The following ERC1 variants were observed in gnomAD, a reference collection of about 807,000 sequenced individuals.
The protein encoded by ERC1 is ELKS/RAB6-interacting/CAST family member 1.
A neutral mutation model predicts 132.0 loss-of-function variants in ERC1; 56 were observed. The observed-to-expected ratio is 0.42, with a 90% CI of 0.34 to 0.53. The LOEUF (loss-of-function observed/expected upper bound fraction) is 0.53. ERC1 is among the 20% of genes least tolerant of loss of function. ERC1 has a pLI of 0.03. For synonymous variants in ERC1, 478 were observed against 476.1 expected (o/e 1.00, Z -0.05); for missense variants, 1,202 against 1,349.9 (o/e 0.89, Z 1.72).
In ERC1 at chr12:1,005,236, C is replaced by T. The variant is rs557950336; in HGVS notation, c.-157+13914C>T. ...GTGCTATCATGGCTTACTACAGCCT[C>T]GACCTCCCAGGCTCAAGCGATCCTC... On this transcript the variant is annotated intron_variant, in intron 1 of 18. Coordinates refer to ENST00000360905, the MANE Select transcript of ERC1 (RefSeq NM_178040.4). Among the ~76,000 whole-genome samples the T allele has an allele frequency of 3.9e-5, 6 of 152,066 alleles. No individual in the cohort carries two copies. The East Asian group carries it at 5.8e-4, about 15-fold the overall frequency.
chr12:1,291,327 G>A (rs767308038), intron 15 of ERC1, among the ~76,000 whole-genome samples: 7 of 152,172 alleles, frequency 4.6e-5, no homozygotes, highest in Non-Finnish European at 7.3e-5. Flanking sequence ...TTAGAGTTCC[G>A]AGTAGCATCA....
At chr12:1,154,213 G>GTATGTGTATGTATATGTA (rs1195346483) in intron 8 of ERC1, among the ~76,000 whole-genome samples, 156 of 142,982 alleles carry the variant, frequency 1.1e-3, no homozygotes, top group African/African-American at 3.9e-3. Flanking sequence ...GTGTGTGTGT[G>GTATGTGTATGTATATGTA]TATGTATATG....
intron 14 of ERC1, among the ~76,000 whole-genome samples, chr12:1,275,045 G>C (rs901858076): frequency 6.6e-6 from 1 of 152,178 alleles, no homozygotes; most frequent in African/African-American, 2.4e-5. Context: ...TGAATGAATG[G>C]ATGGTGTGGC....
At position 1,490,551 on chromosome 12, in the gene ERC1, G is replaced by C; in HGVS notation, c.*321G>C. The C allele has an allele frequency of 3.1e-6, 1 of 325,288 alleles. No homozygotes were observed. Among genetic ancestry groups the C allele is most frequent in the South Asian group, 7.9e-5 (1 of 12,724 alleles). The allele number at this position is 325,288 out of a possible 1,614,324, so 20.2% of individuals were successfully genotyped here. A position where few individuals can be genotyped will look rare whatever the true frequency, so the allele number is the denominator to read the frequency against. ...CTCTGCCCTGACAGAGAGCCATGGAGCAGAGGAGCCTCTCACCTCCTGTCC... is the reference window on the plus strand; with the variant it reads ...CTCTGCCCTGACAGAGAGCCATGGACCAGAGGAGCCTCTCACCTCCTGTCC... On this transcript the variant is annotated 3_prime_UTR_variant, in exon 19 of 19. Transcript: ENST00000360905.
chr12:1,126,319 A>G (rs1321545792), intron 7 of ERC1, among the ~76,000 whole-genome samples: 1 of 152,212 alleles, frequency 6.6e-6, no homozygotes, highest in Non-Finnish European at 1.5e-5. Context: ...AGGAAGGAGC[A>G]GATATGAAAA....
intron 3 of ERC1, among the ~76,000 whole-genome samples, chr12:1,083,996 T>C (rs906918279): frequency 2.6e-5 from 4 of 152,210 alleles, no homozygotes; most frequent in African/African-American, 9.6e-5. Context: ...TTATGTGTGC[T>C]TATAAAAGTC....
intron 12 of ERC1, among the ~76,000 whole-genome samples, chr12:1,194,105 T>C (rs1259084944): frequency 6.6e-6 from 1 of 152,154 alleles, no homozygotes; most frequent in Non-Finnish European, 1.5e-5. Flanking sequence ...TGAGTAGGCT[T>C]TTCTTTGCTA....
At chr12:1,485,298 G>C (rs1241280497) in intron 18 of ERC1, among the ~76,000 whole-genome samples, 1 of 143,686 alleles carries the variant, frequency 7.0e-6, no homozygotes, top group African/African-American at 2.6e-5. Context: ...TCCACCTCCT[G>C]GATTCAAGCA....
chr12:1,075,843 AG>A (rs1941257887), intron 2 of ERC1, among the ~76,000 whole-genome samples: 1 of 152,196 alleles, frequency 6.6e-6, no homozygotes, highest in African/African-American at 2.4e-5. Flanking sequence ...GAGTAGGCTG[AG>A]GAAGAGGAAG....
At chr12:1,002,480 C>T (rs2154132752) in intron 1 of ERC1, among the ~76,000 whole-genome samples, 1 of 152,106 alleles carries the variant, frequency 6.6e-6, no homozygotes, top group South Asian at 2.1e-4. Flanking sequence ...AGCCACTGCA[C>T]CTTGCCTTGT....
chr12:1,273,862 T>C (rs75031748), intron 14 of ERC1, among the ~76,000 whole-genome samples: 3,855 of 152,322 alleles, frequency 0.025, 72 homozygotes, highest in South Asian at 0.078. Context: ...GACAGAGTTG[T>C]GACACTAGGA....
intron 18 of ERC1, among the ~76,000 whole-genome samples, 159 bp from the exon 19 acceptor site, chr12:1,489,934 C>T (rs115553373): frequency 1.3e-3 from 191 of 152,306 alleles, no homozygotes; most frequent in African/African-American, 4.4e-3. Flanking sequence ...TTCATGAAGA[C>T]GCATTTGATA....
chr12:1,040,110 T>C (rs1969924339), intron 2 of ERC1, among the ~76,000 whole-genome samples: 1 of 152,210 alleles, frequency 6.6e-6, no homozygotes. Context: ...GGAGATCATG[T>C]ACCTACCTCT....
At chr12:1,264,124 A>T (rs1409390719) in intron 14 of ERC1, among the ~76,000 whole-genome samples, 1 of 152,238 alleles carries the variant, frequency 6.6e-6, no homozygotes, top group African/African-American at 2.4e-5. Flanking sequence ...AGTGAGTATG[A>T]AGGACATAGA....
intron 15 of ERC1, among the ~76,000 whole-genome samples, chr12:1,361,295 T>TA (rs1362556050): frequency 4.7e-5 from 7 of 147,834 alleles, no homozygotes; most frequent in Admixed American, 4.7e-4. Context: ...CATTAGGAGA[T>TA]ATACCTAATG....
rs1189543925 is a variant in ERC1 at position 1,104,801 on chromosome 12, C to T, written c.1138C>T (p.Leu380=). 3 of 1,612,464 alleles carry T rather than the reference C, an allele frequency of 1.9e-6. No individual in the cohort carries two copies. The highest frequency in any genetic ancestry group is 2.5e-6 in the Non-Finnish European group (3 of 1,178,654). ...NAPDSAKTKA[L]QTVIEMKDSK... is the part of the protein sequence containing the mutation. ...TCCTGATTCTGCCAAAACAAAAGCTCTGCAAACTGTTATTGAGATGAAGGT... is the reference window on the plus strand; with the variant it reads ...TCCTGATTCTGCCAAAACAAAAGCTTTGCAAACTGTTATTGAGATGAAGGT... The change falls in exon 4 of 19, where the codon CTG becomes TTG. Residue 380 remains leucine, a synonymous_variant. Coordinates refer to ENST00000360905, the MANE Select transcript of ERC1 (RefSeq NM_178040.4).
chr12:1,037,551 A>C (rs898044509), intron 2 of ERC1, among the ~76,000 whole-genome samples: 2 of 152,178 alleles, frequency 1.3e-5, no homozygotes, highest in Non-Finnish European at 2.9e-5. Context: ...CTTTATAAGA[A>C]ATGGCTGAAG....
At chr12:1,353,833 C>T (rs2085267521) in intron 15 of ERC1, among the ~76,000 whole-genome samples, 2 of 152,236 alleles carry the variant, frequency 1.3e-5, no homozygotes, top group Admixed American at 1.3e-4. Flanking sequence ...AACTACCCTC[C>T]AAAGTAGTAA....
chr12:1,493,105 C>T lies in ERC1; in HGVS notation c.*2875C>T. 1 of 218,616 alleles carries T rather than the reference C, an allele frequency of 4.6e-6. No homozygotes were observed. The highest frequency in any genetic ancestry group is 9.2e-6 in the Non-Finnish European group (1 of 108,712). The allele number at this position is 218,616 out of a possible 1,614,324, so 13.5% of individuals were successfully genotyped here. A position where few individuals can be genotyped will look rare whatever the true frequency, so the allele number is the denominator to read the frequency against. On this transcript the variant is annotated 3_prime_UTR_variant, in exon 19 of 19. Coordinates refer to ENST00000360905, the MANE Select transcript of ERC1 (RefSeq NM_178040.4). ...CAACGGGGTTTTGTAACTGAAGAAG[C>T]CCAGTGTGAGCTTCTCATCTTTTCA... is the stretch of plus-strand genomic sequence containing the variant.
Sources: allele counts gnomAD v4.1 joint callset (sites outside exome capture counted in the v4.1 genomes callset), GRCh38; gene constraint gnomAD v4.1.1; transcripts MANE v1.5; gene names NCBI Gene and HGNC (gene_info 2026-07-23, HGNC 2026-07-21).